Variants in ENTPD1 observed in about 807,000 individuals in gnomAD.
ENTPD1 encodes the protein ATP diphosphohydrolase.
In ENTPD1, 33 loss-of-function variants were observed where a neutral mutation model predicts 57.0. That is an observed-to-expected ratio of 0.58 (90% CI 0.44 to 0.77). The LOEUF is 0.77. Among genes scored for constraint, ENTPD1 ranks in the 30% least tolerant of loss-of-function variants. ENTPD1 has a pLI of 0.00. For synonymous variants in ENTPD1, 202 were observed against 218.8 expected (o/e 0.92, Z 0.68); for missense variants, 501 against 603.4 (o/e 0.83, Z 1.78).
the ENTPD1 span, among the ~76,000 whole-genome samples, chr10:95,703,052 T>C: frequency 6.6e-6 from 1 of 152,096 alleles, no homozygotes; most frequent in African/African-American, 2.4e-5. Context: ...CCCAAAGTGC[T>C]GGGATTACAG....
At chr10:95,837,883 G>C (rs1049282886) in intron 2 of ENTPD1, among the ~76,000 whole-genome samples, 2 of 151,628 alleles carry the variant, frequency 1.3e-5, no homozygotes, top group Non-Finnish European at 2.9e-5. Context: ...AACCAAACAA[G>C]GTCATTTCTA....
rs538147686 is a variant in ENTPD1 at position 95,873,250 on chromosome 10, A to C, written c.*6867A>C. The C allele has an allele frequency of 1.0e-6, 1 of 985,424 alleles. No individual in the cohort carries two copies. Among genetic ancestry groups the C allele is most frequent in the Admixed American group, 6.1e-5 (1 of 16,282 alleles). 61.0% of individuals were successfully genotyped at this position (985,424 alleles called of 1,614,324 possible). ...CAGATCAGTGTTCATCCACTACCTG[A>C]CTACTGTCATTCACAGGCATTCTGT... On this transcript the variant is annotated 3_prime_UTR_variant, in exon 10 of 10. Coordinates refer to ENST00000371205, the MANE Select transcript of ENTPD1 (RefSeq NM_001776.6).
At chr10:95,738,874 C>T (rs555828860) in intron 1 of ENTPD1, among the ~76,000 whole-genome samples, 42 of 152,060 alleles carry the variant, frequency 2.8e-4, no homozygotes, top group African/African-American at 4.8e-4. Context: ...CACTCAGACT[C>T]GAGAATTTGA....
intron 1 of ENTPD1, among the ~76,000 whole-genome samples, chr10:95,802,818 T>C (rs2098255684): frequency 6.6e-6 from 1 of 152,244 alleles, no homozygotes; most frequent in Non-Finnish European, 1.5e-5. Flanking sequence ...TAGTATTCCA[T>C]GGTGTATATG....
chr10:95,860,686 TC>T, intron 8 of ENTPD1, 104 bp downstream of exon 8: 2 of 952,182 alleles, frequency 2.1e-6, no homozygotes, highest in Non-Finnish European at 3.3e-6. Context: ...TTGACCAAGA[TC>T]CAGCAAATGT....
At chr10:95,723,751 C>T (rs1423757745) in intron 1 of ENTPD1, among the ~76,000 whole-genome samples, 2 of 152,096 alleles carry the variant, frequency 1.3e-5, no homozygotes, top group Non-Finnish European at 2.9e-5. Context: ...GCTGGGAGTT[C>T]GGGACAACAG....
intron 1 of ENTPD1, among the ~76,000 whole-genome samples, chr10:95,758,027 AAAAG>A (rs752260390): frequency 0.041 from 1,779 of 42,880 alleles, 138 homozygotes; most frequent in African/African-American, 0.12. Context: ...AAAAAAAAAA[AAAAG>A]ATTTGGACTG....
At chr10:95,802,531 A>G (rs2098254176) in intron 1 of ENTPD1, among the ~76,000 whole-genome samples, 1 of 152,048 alleles carries the variant, frequency 6.6e-6, no homozygotes, top group South Asian at 2.1e-4. Flanking sequence ...ATAGGTATAC[A>G]TGTGCCATGT....
intron 2 of ENTPD1, among the ~76,000 whole-genome samples, chr10:95,837,658 G>A (rs531279653): frequency 2.6e-5 from 4 of 152,260 alleles, no homozygotes; most frequent in Admixed American, 6.5e-5. Flanking sequence ...AGGTCTGCAC[G>A]GTGGTACTCC....
Position 95,870,677 on chromosome 10 carries a change from C to G in ENTPD1, c.*4294C>G, listed in dbSNP as rs1403162812. On this transcript the variant is annotated 3_prime_UTR_variant, in exon 10 of 10. Transcript: ENST00000371205. ...CTTTATTGTCAGTTTAAAAGATGAA[C>G]TGAGTTTCACCCAAACTGGTCTGGC... 2.0e-6 allele frequency: 2 copies of G among 985,346 alleles called. No individual in the cohort carries two copies. Among genetic ancestry groups the G allele is most frequent in the Non-Finnish European group, 2.4e-6 (2 of 829,940 alleles). The allele number at this position is 985,346 out of a possible 1,614,324, so 61.0% of individuals were successfully genotyped here.
chr10:95,864,335 G>A (rs1040112185), intron 8 of ENTPD1, among the ~76,000 whole-genome samples: 1 of 152,204 alleles, frequency 6.6e-6, no homozygotes, highest in East Asian at 1.9e-4. Flanking sequence ...AAAGTGAGTG[G>A]TAAGGCTTTT....
At chr10:95,814,085 G>A (rs1164908194) in intron 1 of ENTPD1, among the ~76,000 whole-genome samples, 1 of 152,222 alleles carries the variant, frequency 6.6e-6, no homozygotes, top group African/African-American at 2.4e-5. Context: ...TATTGCTGAG[G>A]CCATCAATAT....
At chr10:95,830,411 A>G (rs1046832737) in intron 2 of ENTPD1, among the ~76,000 whole-genome samples, 1 of 152,184 alleles carries the variant, frequency 6.6e-6, no homozygotes, top group Non-Finnish European at 1.5e-5. Context: ...GCTTGGATCC[A>G]TGTTAGAAGC....
rs192485831 is a variant in ENTPD1, at chr10:95,836,711, C to A, written c.145-2980C>A. On this transcript the variant is annotated intron_variant, in intron 2 of 9. Transcript: ENST00000371205. The stretch of plus-strand genomic sequence containing the variant: ...GCCCAGGAGGCAGAGAGAACATGAA[C>A]ATTCTCCAGACTTCTGGGAAGCTTT... Among the ~76,000 whole-genome samples the A allele has an allele frequency of 2.4e-4, 36 of 152,290 alleles. No homozygotes were observed. The East Asian group carries it at 6.7e-3, about 29-fold the overall frequency.
chr10:95,813,574 G>A (rs1474450491), intron 1 of ENTPD1, among the ~76,000 whole-genome samples: 1 of 152,136 alleles, frequency 6.6e-6, no homozygotes. Context: ...CCCTTGAGAA[G>A]GAAAGCCTAC....
At chr10:95,727,249 C>A (rs1046841374) in intron 1 of ENTPD1, among the ~76,000 whole-genome samples, 1 of 152,154 alleles carries the variant, frequency 6.6e-6, no homozygotes, top group African/African-American at 2.4e-5. Context: ...CTCATTTAAT[C>A]AAGACCAACT....
chr10:95,758,002 CAAAA>C (rs57407553), intron 1 of ENTPD1, among the ~76,000 whole-genome samples: 23 of 26,410 alleles, frequency 8.7e-4, no homozygotes, highest in South Asian at 5.2e-3. Context: ...GACACTGTCT[CAAAA>C]AAAAAAAAAA....
At chr10:95,722,549 A>G (rs1195963944) in intron 1 of ENTPD1, among the ~76,000 whole-genome samples, 1 of 152,012 alleles carries the variant, frequency 6.6e-6, no homozygotes, top group African/African-American at 2.4e-5. Context: ...CGCAAGAACA[A>G]AAAACCAAAC....
intron 1 of ENTPD1, among the ~76,000 whole-genome samples, chr10:95,778,481 A>AAAG (rs10631606): frequency 3.3e-5 from 5 of 151,232 alleles, no homozygotes; most frequent in African/African-American, 9.7e-5. Context: ...TACCTAAAAG[A>AAAG]TTTTTTTCTT....
Sources: allele counts gnomAD v4.1 joint callset (sites outside exome capture counted in the v4.1 genomes callset), GRCh38; gene constraint gnomAD v4.1.1; transcripts MANE v1.5; gene names NCBI Gene and HGNC (gene_info 2026-07-23, HGNC 2026-07-21).